The following TET3 variants were observed in gnomAD, a reference collection of about 807,000 sequenced individuals.
TET3 encodes the protein tet methylcytosine dioxygenase 3, also known as methylcytosine dioxygenase TET3.
TET3 carries 19 observed loss-of-function variants against 141.4 expected under a neutral mutation model. That is an observed-to-expected ratio of 0.13 (90% CI 0.09 to 0.20). The LOEUF is 0.20. TET3 is among the 10% of genes least tolerant of loss of function. The probability of loss-of-function intolerance (pLI) is 1.00; values close to 1 mark genes in which losing one functional copy is unlikely to be tolerated. For synonymous variants in TET3, 1,043 were observed against 980.9 expected (o/e 1.06, Z -1.18); for missense variants, 1,874 against 2,356.9 (o/e 0.80, Z 4.24).
rs13001089 is a variant in TET3, at chr2:74,080,705, G to C, written c.2679+114G>C. ...GTAGCTGAGCAGGCGAGGGCGGGGGGTGGGGCCAGGTGGGTGTGTAGGAGA... is the reference window on the plus strand; with the variant it reads ...GTAGCTGAGCAGGCGAGGGCGGGGGCTGGGGCCAGGTGGGTGTGTAGGAGA... On this transcript the variant is annotated intron_variant, in intron 6 of 11. Transcript: ENST00000409262. 5 of 226,244 alleles carry C rather than the reference G, an allele frequency of 2.2e-5. 1 individual carries two copies. The highest frequency in any genetic ancestry group is 1.2e-4 in the East Asian group (1 of 8,064). 14.0% of individuals were successfully genotyped at this position (226,244 alleles called of 1,614,324 possible).
intron 2 of TET3, among the ~76,000 whole-genome samples, chr2:74,000,981 G>A (rs1684822794): frequency 6.6e-6 from 1 of 152,146 alleles, no homozygotes; most frequent in Non-Finnish European, 1.5e-5. Context: ...TGGGGGGTAG[G>A]TGTGAGGGCA....
Position 74,105,953 on chromosome 2 carries a change from A to G in TET3, c.*3777A>G, listed in dbSNP as rs1691476588. On this transcript the variant is annotated 3_prime_UTR_variant, in exon 12 of 12. Transcript: ENST00000409262. ...AAGTGTGTTTTATGGACTAGGAAGC[A>G]TTTTTATGAATTGAAATAGTCTAAA... The G allele has an allele frequency of 6.5e-6, 1 of 153,718 alleles. No individual in the cohort carries two copies. Among genetic ancestry groups the G allele is most frequent in the African/African-American group, 2.4e-5 (1 of 41,436 alleles). The allele number at this position is 153,718 out of a possible 1,614,324, so 9.5% of individuals were successfully genotyped here. A position where few individuals can be genotyped will look rare whatever the true frequency, so the allele number is the denominator to read the frequency against.
intron 3 of TET3, among the ~76,000 whole-genome samples, chr2:74,045,171 A>C (rs1037548468): frequency 1.3e-5 from 2 of 152,248 alleles, no homozygotes; most frequent in African/African-American, 4.8e-5. Flanking sequence ...AATGTCTTAC[A>C]TCAAGAGGCA....
chr2:74,125,875 G>C, the TET3 span, among the ~76,000 whole-genome samples: 3 of 152,024 alleles, frequency 2.0e-5, no homozygotes, highest in South Asian at 2.1e-4. Flanking sequence ...AACTATGCTA[G>C]TTTGTTAAAT....
intron 2 of TET3, among the ~76,000 whole-genome samples, chr2:74,000,666 C>CT (rs988769350): frequency 1.6e-4 from 25 of 152,030 alleles, no homozygotes; most frequent in African/African-American, 5.8e-4. Context: ...TTGTATCTCC[C>CT]TGGGGTTGGC....
At chr2:74,067,609 G>A (rs368917103) in intron 4 of TET3, among the ~76,000 whole-genome samples, 3 of 152,194 alleles carry the variant, frequency 2.0e-5, no homozygotes, top group Non-Finnish European at 4.4e-5. Context: ...TATACAAGAT[G>A]CTCTAGAAGT....
Position 74,089,878 on chromosome 2 carries a change from C to T in TET3, c.2889-19C>T. On this transcript the variant is annotated intron_variant, in intron 7 of 11. Coordinates refer to ENST00000409262, the MANE Select transcript of TET3 (RefSeq NM_001287491.2). ...AGGGATATTGCATCTATATCCCTGA[C>T]CTGTGCTGTGTGTTGCAGCCGGACC... is the stretch of plus-strand genomic sequence containing the variant. 1 of 1,613,770 alleles carries T rather than the reference C, an allele frequency of 6.2e-7. No individual in the cohort carries two copies. Among genetic ancestry groups the T allele is most frequent in the Non-Finnish European group, 8.5e-7 (1 of 1,179,712 alleles).
chr2:74,117,021 G>A, the TET3 span, among the ~76,000 whole-genome samples: 12 of 152,086 alleles, frequency 7.9e-5, no homozygotes, highest in South Asian at 2.1e-4. Flanking sequence ...AGAGGGGAGC[G>A]GGGAGATGGG....
At chr2:74,097,389 T>A (rs1254386096) in intron 10 of TET3, among the ~76,000 whole-genome samples, 1 of 152,202 alleles carries the variant, frequency 6.6e-6, no homozygotes, top group Non-Finnish European at 1.5e-5. Flanking sequence ...TATATAGTAG[T>A]GGGCAAAAGT....
downstream of TET3, among the ~76,000 whole-genome samples, chr2:74,110,783 C>T (rs1691685474): frequency 6.6e-6 from 1 of 152,152 alleles, no homozygotes; most frequent in African/African-American, 2.4e-5. Context: ...CACACCCCTG[C>T]TGCTCGGTAC....
At chr2:74,091,346 G>C (rs141462277) in intron 8 of TET3, among the ~76,000 whole-genome samples, 2 of 152,164 alleles carry the variant, frequency 1.3e-5, no homozygotes, top group East Asian at 3.8e-4. Context: ...GTGCTCTTAC[G>C]ATGTGCTAAG....
chr2:74,104,914 C>T lies in TET3; in HGVS notation c.*2738C>T, dbSNP rs1691416719. The T allele has an allele frequency of 1.4e-5, 5 of 351,380 alleles. No individual in the cohort carries two copies. The highest frequency in any genetic ancestry group is 7.3e-4 in the Middle Eastern group (1 of 1,374). 21.8% of individuals were successfully genotyped at this position (351,380 alleles called of 1,614,324 possible). A position where few individuals can be genotyped will look rare whatever the true frequency, so the allele number is the denominator to read the frequency against. The stretch of plus-strand genomic sequence containing the variant: ...GCAGAATGGCGTTTCCAGAGTTAGG[C>T]GGTGTGGTTGCCGTGCTCAAGCCCA... On this transcript the variant is annotated 3_prime_UTR_variant, in exon 12 of 12. Coordinates refer to ENST00000409262, the MANE Select transcript of TET3 (RefSeq NM_001287491.2).
rs2104223216 is a variant in TET3 at position 74,101,184 on chromosome 2, G to A, written c.4396G>A (p.Ala1466Thr). 1 of 1,613,720 alleles carries A rather than the reference G, an allele frequency of 6.2e-7. No homozygotes were observed. The highest frequency in any genetic ancestry group is 8.5e-7 in the Non-Finnish European group (1 of 1,179,834). ...WGVFSSGESPAIVPDKLSSFG... is the reference protein window; with the variant it reads ...WGVFSSGESPTIVPDKLSSFG... ...TGTGTTCTCGTCTGGGGAGAGTCCTGCCATCGTCCCTGACAAGCTCAGTTC... is the reference window on the plus strand; with the variant it reads ...TGTGTTCTCGTCTGGGGAGAGTCCTACCATCGTCCCTGACAAGCTCAGTTC... The change falls in exon 12 of 12, where the codon GCC (alanine) becomes ACC (threonine). Residue 1466 changes from alanine to threonine, a missense_variant. By Grantham distance (58) the Ala-to-Thr change is moderately conservative. Transcript: ENST00000409262. The surrounding 1 kb of genome is among the most constrained non-coding windows in gnomAD (Gnocchi z 8.5).
At chr2:74,096,882 A>G (rs551991500) in intron 10 of TET3, among the ~76,000 whole-genome samples, 1 of 152,244 alleles carries the variant, frequency 6.6e-6, no homozygotes, top group East Asian at 1.9e-4. Flanking sequence ...ACTTGAGCCC[A>G]GGAGTTTGAG....
chr2:73,991,481 T>A (rs1392050521), intron 2 of TET3, among the ~76,000 whole-genome samples: 1 of 152,022 alleles, frequency 6.6e-6, no homozygotes, highest in Admixed American at 6.6e-5. Context: ...TCCTGAGGAT[T>A]GGACAGATGA....
the TET3 span, among the ~76,000 whole-genome samples, chr2:74,113,353 T>A: frequency 6.6e-6 from 1 of 152,082 alleles, no homozygotes; most frequent in Non-Finnish European, 1.5e-5. Flanking sequence ...GCCACTGTAC[T>A]CCAGCCTGGG....
chr2:74,035,138 C>CT (rs1255600915), intron 3 of TET3, among the ~76,000 whole-genome samples: 1 of 145,256 alleles, frequency 6.9e-6, no homozygotes. Flanking sequence ...GGAGGCGGAG[C>CT]TTGCAGTGAG....
intron 3 of TET3, among the ~76,000 whole-genome samples, chr2:74,015,993 A>T (rs891055220): frequency 2.0e-5 from 3 of 151,994 alleles, no homozygotes; most frequent in African/African-American, 7.3e-5. Context: ...TATTACTCTT[A>T]GATTGTCTTT....
downstream of TET3, among the ~76,000 whole-genome samples, chr2:74,113,175 G>T (rs950863600): frequency 1.3e-5 from 2 of 151,192 alleles, no homozygotes; most frequent in African/African-American, 4.9e-5. Context: ...CAGATCACGA[G>T]GTAGTTCGAG....
Sources: allele counts gnomAD v4.1 joint callset (sites outside exome capture counted in the v4.1 genomes callset), GRCh38; gene constraint gnomAD v4.1.1; non-coding constraint Gnocchi (gnomAD v3.1); transcripts MANE v1.5; gene names NCBI Gene and HGNC (gene_info 2026-07-23, HGNC 2026-07-21).